The following ATG16L2 variants were observed in gnomAD, a reference collection of about 807,000 sequenced individuals.
The protein encoded by ATG16L2 is protein Atg16l2.
ATG16L2 carries 77 observed loss-of-function variants against 84.7 expected under a neutral mutation model. The observed-to-expected ratio is 0.91, with a 90% CI of 0.76 to 1.10. ATG16L2 has a LOEUF of 1.10. ATG16L2 is among the 50% of genes least tolerant of loss of function. The probability of loss-of-function intolerance (pLI) is 0.00; values close to 1 mark genes in which losing one functional copy is unlikely to be tolerated. For synonymous variants in ATG16L2, 361 were observed against 342.8 expected (o/e 1.05, Z -0.59); for missense variants, 782 against 817.6 (o/e 0.96, Z 0.53).
rs770188001 is a variant in ATG16L2, at chr11:72,828,918, A to G, written c.1706A>G (p.Asp569Gly). The G allele has an allele frequency of 6.2e-7, 1 of 1,614,078 alleles. No individual in the cohort carries two copies. Among genetic ancestry groups the G allele is most frequent in the Non-Finnish European group, 8.5e-7 (1 of 1,180,002 alleles). ...DRSYALAGSC[D>G]GALYIWDVDT... is the part of the protein sequence containing the mutation. The stretch of plus-strand genomic sequence containing the variant: ...AGCTATGCACTGGCAGGCTCCTGTG[A>G]TGGGGCCCTTTACATCTGGGATGTG... The change falls in exon 17 of 18, where the codon GAT becomes GGT. Residue 569 changes from aspartate (D) to glycine (G), a missense_variant. Physicochemically the swap from Asp to Gly is moderately conservative, Grantham distance 94 (BLOSUM62 -1). Transcript: ENST00000321297.
intron 15 of ATG16L2, 93 bp downstream of exon 15, chr11:72,828,601 A>C: frequency 6.3e-7 from 1 of 1,593,454 alleles, no homozygotes; most frequent in African/African-American, 1.3e-5. Flanking sequence ...CCCTCCCTGG[A>C]GGCCCCTCCA....
chr11:72,819,407 TAA>T (rs552680328), intron 3 of ATG16L2, among the ~76,000 whole-genome samples: 2 of 150,816 alleles, frequency 1.3e-5, no homozygotes, highest in African/African-American at 4.9e-5. Context: ...ATATTTTAAT[TAA>T]AAAAAAAGAA....
chr11:72,821,389 G>A lies in ATG16L2; in HGVS notation c.319-279G>A. On this transcript the variant is annotated intron_variant, in intron 3 of 17. Coordinates refer to ENST00000321297, the MANE Select transcript of ATG16L2 (RefSeq NM_033388.2). ...CTCTTCAGGCGAGGCAGTGGAGCGG[G>A]TTGCTCTTGCCAGAGAGGTTCCTAG... The A allele has an allele frequency of 2.4e-6, 3 of 1,253,030 alleles. No individual in the cohort carries two copies. The South Asian group carries it at 5.9e-5, about 25-fold the overall frequency. 77.6% of individuals were successfully genotyped at this position (1,253,030 alleles called of 1,614,324 possible).
At chr11:72,814,589 A>G in intron 1 of ATG16L2, 26 bp downstream of exon 1, 1 of 1,528,588 alleles carries the variant, frequency 6.5e-7, no homozygotes, top group Non-Finnish European at 8.9e-7. Flanking sequence ...TGCTGAGAGG[A>G]TGGCGGCTGA....
intron 3 of ATG16L2, among the ~76,000 whole-genome samples, chr11:72,819,964 T>C (rs374109742): frequency 9.3e-4 from 141 of 152,150 alleles, no homozygotes; most frequent in Admixed American, 2.4e-3. Flanking sequence ...CTAGGATGGT[T>C]TTGATCTCCT....
At chr11:72,842,492 G>C in intron 5 of ATG16L2, 1 of 1,101,942 alleles carries the variant, frequency 9.1e-7, no homozygotes, top group Non-Finnish European at 1.3e-6. Context: ...CAGTTGTGCA[G>C]ACACTGGCAA....
chr11:72,823,412 CACT>C, intron 7 of ATG16L2: 1 of 350,670 alleles, frequency 2.9e-6, no homozygotes, highest in South Asian at 2.2e-5. Context: ...TGTGTGCTCA[CACT>C]TGTGGGACCT....
In ATG16L2 at chr11:72,824,102, T is replaced by A; in HGVS notation, c.867T>A (p.Asp289Glu). Reference protein sequence around the residue: ...ATSLTLSHCVDVVKGLLDFKK... With the variant: ...ATSLTLSHCVEVVKGLLDFKK... ...CCCTGACGCTGTCCCACTGTGTGGA[T>A]GTGGTGAAGGGGCTTCTGGAGTAAG... The change falls in exon 8 of 18, where the codon GAT becomes GAA. Residue 289 changes from aspartate (D) to glutamate (E), a missense_variant. Transcript: ENST00000321297. 1 of 1,614,218 alleles carries A rather than the reference T, an allele frequency of 6.2e-7. No homozygotes were observed. The highest frequency in any genetic ancestry group is 8.5e-7 in the Non-Finnish European group (1 of 1,180,036).
rs59748827 is a variant in ATG16L2, at chr11:72,841,340, CAAAAAAAAAAAAAAAAA to C, written c.*22-1269_*22-1253del. ...GCCCAGGTGACAGAGACTCTGTCTC[CAAAAAAAAAAAAAAAAA>C]AAAAAAAGCAAATGCAGTTTTTTTT... On this transcript the variant is annotated intron_variant, in intron 5 of 5. Coordinates refer to the ATG16L2 transcript ENST00000534905. 1.1e-5 allele frequency: 4 copies of C among 371,390 alleles called. No homozygotes were observed. The East Asian group carries it at 2.8e-4, about 26-fold the overall frequency. The allele number at this position is 371,390 out of a possible 1,614,324, so 23.0% of individuals were successfully genotyped here.
intron 3 of ATG16L2, chr11:72,820,314 T>C (rs1482785733): frequency 3.3e-5 from 5 of 152,130 alleles, no homozygotes; most frequent in South Asian, 4.1e-4. Context: ...CATCAAGATA[T>C]GGCACTGTTT....
In ATG16L2 at chr11:72,829,380, T is replaced by G; in HGVS notation, c.1850T>G (p.Leu617Arg). Residue 617 changes from leucine to arginine, a missense_variant, in exon 18 of 18, where the codon CTC becomes CGC. Transcript: ENST00000321297. ...GTGGACCAGGGCAGGAAGGTTGTGC[T>G]CTGGCAGTAGGGCCACGACCTGCCT... ...VSVDQGRKVV[L>R]WQ 1 of 1,611,484 alleles carries G rather than the reference T, an allele frequency of 6.2e-7. No homozygotes were observed. The highest frequency in any genetic ancestry group is 8.5e-7 in the Non-Finnish European group (1 of 1,179,286).
chr11:72,830,277 G>A (rs1192383938), downstream of ATG16L2, among the ~76,000 whole-genome samples: 6 of 152,156 alleles, frequency 3.9e-5, no homozygotes, highest in Admixed American at 6.5e-5. Context: ...CCTACACTCT[G>A]CTGACTCCCA....
At chr11:72,828,217 C>A in intron 14 of ATG16L2, 142 bp from the exon 15 acceptor site, 1 of 852,288 alleles carries the variant, frequency 1.2e-6, no homozygotes, top group Non-Finnish European at 1.8e-6. Flanking sequence ...ATGAGTCACT[C>A]GCAGCCTTTA....
In ATG16L2 at chr11:72,814,441, C is replaced by A; in HGVS notation, c.-5C>A. The A allele has an allele frequency of 1.4e-6, 2 of 1,479,450 alleles. No individual in the cohort carries two copies. The highest frequency in any genetic ancestry group is 1.8e-6 in the Non-Finnish European group (2 of 1,107,574). The allele number at this position is 1,479,450 out of a possible 1,614,324, so 91.6% of individuals were successfully genotyped here. On this transcript the variant is annotated 5_prime_UTR_variant, in exon 1 of 18. Coordinates refer to ENST00000321297, the MANE Select transcript of ATG16L2 (RefSeq NM_033388.2). Reference sequence around the variant, plus strand: ...GAACGCGCCGCTAGGCGGGAGAGCGCGGCCATGGCGGGGCCGGGCGTCCCC... The same window carrying A: ...GAACGCGCCGCTAGGCGGGAGAGCGAGGCCATGGCGGGGCCGGGCGTCCCC...
chr11:72,841,566 C>T, intron 5 of ATG16L2: 2 of 1,607,916 alleles, frequency 1.2e-6, no homozygotes, highest in East Asian at 2.2e-5. Context: ...AGGCGTGTGG[C>T]TTGGGGGAAG....
chr11:72,829,737 G>C (rs1860563992), downstream of ATG16L2: 1 of 703,682 alleles, frequency 1.4e-6, no homozygotes, highest in Non-Finnish European at 1.8e-6. Context: ...TCCATACAGA[G>C]CTGAGGCAGC....
At chr11:72,817,690 A>G (rs961132394) in intron 2 of ATG16L2, 66 bp from the exon 3 acceptor site, 24 of 1,501,332 alleles carry the variant, frequency 1.6e-5, no homozygotes, top group Non-Finnish European at 2.1e-5. Context: ...ATGTAGCATC[A>G]CTTGGGTGCC....
chr11:72,838,670 A>G (rs1296776855), intron 5 of ATG16L2: 1 of 786,494 alleles, frequency 1.3e-6, no homozygotes, highest in East Asian at 2.7e-5. Context: ...GTCACACATA[A>G]TCCTCCTTGT....
chr11:72,822,838 C>T lies in ATG16L2; in HGVS notation c.711-10C>T, dbSNP rs1304355223. 6.5e-6 allele frequency: 10 copies of T among 1,543,040 alleles called. No homozygotes were observed. Among genetic ancestry groups the T allele is most frequent in the Admixed American group, 2.1e-5 (1 of 48,232 alleles). On this transcript the variant is annotated splice_polypyrimidine_tract_variant and intron_variant, in intron 6 of 17. Coordinates refer to ENST00000321297, the MANE Select transcript of ATG16L2 (RefSeq NM_033388.2). The surrounding 1 kb of genome is among the most constrained non-coding windows in gnomAD (Gnocchi z 4.2). ...CCCTTGGCCTTTCTGAACTTCATTA[C>T]CTCTCCTAGGGGCCCGGACACCCTA...
Sources: allele counts gnomAD v4.1 joint callset (sites outside exome capture counted in the v4.1 genomes callset), GRCh38; gene constraint gnomAD v4.1.1; non-coding constraint Gnocchi (gnomAD v3.1); transcripts MANE v1.5; gene names NCBI Gene and HGNC (gene_info 2026-07-23, HGNC 2026-07-21).